MTTP: variants seen among roughly 807,000 people sequenced by gnomAD.
The protein encoded by MTTP is microsomal triglyceride transfer protein large subunit.
In MTTP, 49 loss-of-function variants were observed where a neutral mutation model predicts 90.6. That is an observed-to-expected ratio of 0.54 (90% CI 0.43 to 0.69). MTTP has a LOEUF of 0.69. MTTP is among the 30% of genes least tolerant of loss of function. The pLI is 0.00. For missense variants in MTTP, 945 were observed against 1,067.5 expected, an observed-to-expected ratio of 0.89 and a Z score of 1.60; for synonymous variants, 347 against 384.2, an observed-to-expected ratio of 0.90 and a Z score of 1.13.
chr4:99,586,754 G>A (rs939631869), intron 3 of MTTP, among the ~76,000 whole-genome samples: 8 of 152,088 alleles, frequency 5.3e-5, no homozygotes, highest in African/African-American at 1.9e-4. Flanking sequence ...TATAAAGGAA[G>A]GTGTGGAGAA....
At chr4:99,614,770 G>A (rs1456526887) in intron 15 of MTTP, among the ~76,000 whole-genome samples, 1 of 152,164 alleles carries the variant, frequency 6.6e-6, no homozygotes, top group Non-Finnish European at 1.5e-5. Context: ...GAATTGTTTG[G>A]AATCCCTGTC....
intron 1 of MTTP, among the ~76,000 whole-genome samples, chr4:99,576,503 G>T (rs1293889943): frequency 1.3e-5 from 2 of 151,466 alleles, no homozygotes; most frequent in Non-Finnish European, 2.9e-5. Context: ...AGACCATCCC[G>T]GCTAAAACGG....
Position 99,611,396 on chromosome 4 carries a change from G to A in MTTP, c.1932G>A (p.Arg644=), listed in dbSNP as rs2110231972. ...TCTACTCGGGTTCTGGCATTCTAAG[G>A]AGAAGTAACCTGAACATCTTTCAGT... ...DILYSGSGIL[R]RSNLNIFQYI... is the part of the protein sequence containing the mutation. Residue 644 remains arginine, a synonymous_variant, in exon 14 of 18, where the codon AGG becomes AGA. Transcript: ENST00000265517. The A allele has an allele frequency of 6.2e-7, 1 of 1,614,030 alleles. No individual in the cohort carries two copies. Among genetic ancestry groups the A allele is most frequent in the Non-Finnish European group, 8.5e-7 (1 of 1,179,948 alleles).
intron 12 of MTTP, 23 bp from the exon 13 acceptor site, chr4:99,611,120 T>C (rs1274609906): frequency 6.9e-6 from 11 of 1,603,052 alleles, no homozygotes; most frequent in Non-Finnish European, 9.4e-6. Flanking sequence ...ATGTGCAGCT[T>C]TTTTTTTCCT....
chr4:99,574,647 TAA>T, upstream of MTTP: 1 of 685,856 alleles, frequency 1.5e-6, no homozygotes, highest in Non-Finnish European at 2.4e-6. Flanking sequence ...TGAAAACATT[TAA>T]AGTTTCCTCA....
At chr4:99,564,300 G>T (rs1724602973) in intron 1 of MTTP, 1 of 1,463,004 alleles carries the variant, frequency 6.8e-7, no homozygotes, top group East Asian at 2.5e-5. Flanking sequence ...AACGAAGAAA[G>T]GCTCCTAATT....
At chr4:99,573,970 A>C (rs1159727104), upstream of MTTP, among the ~76,000 whole-genome samples, 4 of 152,266 alleles carry the variant, frequency 2.6e-5, no homozygotes, top group African/African-American at 7.2e-5. Flanking sequence ...GTTTCCAGGG[A>C]CAAGGATTGC....
intron 8 of MTTP, among the ~76,000 whole-genome samples, chr4:99,599,334 T>C (rs995562974): frequency 1.8e-4 from 27 of 152,188 alleles, no homozygotes; most frequent in African/African-American, 6.0e-4. Flanking sequence ...GAAAACACTT[T>C]GAGAAACATC....
At chr4:99,613,206 C>A in intron 15 of MTTP, 66 bp downstream of exon 15, 1 of 1,392,300 alleles carries the variant, frequency 7.2e-7, no homozygotes, top group Non-Finnish European at 1.0e-6. Context: ...TTTAAATATG[C>A]TTAGTTCTTG....
Position 99,600,715 on chromosome 4 carries a change from A to T in MTTP, c.1218A>T (p.Glu406Asp), listed in dbSNP as rs770983271. The T allele has an allele frequency of 6.2e-7, 1 of 1,613,720 alleles. No individual in the cohort carries two copies. The highest frequency in any genetic ancestry group is 8.5e-7 in the Non-Finnish European group (1 of 1,179,738). The change falls in exon 9 of 18, where the codon GAA (glutamate) becomes GAT (aspartate). Residue 406 changes from glutamate (E) to aspartate (D), a missense_variant. By Grantham distance (45) the Glu-to-Asp change is conservative (BLOSUM62 2). Coordinates refer to ENST00000265517, the MANE Select transcript of MTTP (RefSeq NM_001386140.1). ...GATTTGCTTCTCATCCCAATGAAGA[A>T]CTCCTGAGAGCCCTCATTGTAAGTC... ...ACGFASHPNE[E>D]LLRALISKFK... is the part of the protein sequence containing the mutation.
chr4:99,565,229 T>C (rs1281361348), intron 1 of MTTP, among the ~76,000 whole-genome samples: 2 of 152,238 alleles, frequency 1.3e-5, no homozygotes, highest in African/African-American at 4.8e-5. Context: ...GGGATCTGTT[T>C]TATAAATAAT....
chr4:99,599,353 TAAG>T (rs1319070160), intron 8 of MTTP, among the ~76,000 whole-genome samples: 1 of 152,138 alleles, frequency 6.6e-6, no homozygotes, highest in East Asian at 1.9e-4. Context: ...TCACTATAAT[TAAG>T]AAACCATGGA....
intron 15 of MTTP, among the ~76,000 whole-genome samples, chr4:99,614,966 T>TA (rs1726062942): frequency 6.6e-6 from 1 of 152,198 alleles, no homozygotes; most frequent in Admixed American, 6.5e-5. Context: ...GTTCTCAAAT[T>TA]ATATCAGAAT....
chr4:99,614,070 G>C (rs1461533408), intron 15 of MTTP, among the ~76,000 whole-genome samples: 1 of 152,122 alleles, frequency 6.6e-6, no homozygotes, highest in African/African-American at 2.4e-5. Flanking sequence ...GAATATATAA[G>C]GAGATTGAAA....
intron 9 of MTTP, among the ~76,000 whole-genome samples, chr4:99,601,194 C>T (rs1206630102): frequency 6.6e-6 from 1 of 152,062 alleles, no homozygotes; most frequent in East Asian, 1.9e-4. Flanking sequence ...TATTTAATTG[C>T]ACTTGTCTAC....
intron 16 of MTTP, 55 bp from the exon 17 acceptor site, chr4:99,621,006 C>T (rs1408721198): frequency 1.3e-6 from 2 of 1,526,064 alleles, no homozygotes; most frequent in South Asian, 2.3e-5. Flanking sequence ...GCTGTTAGTC[C>T]AATACCATTA....
intron 10 of MTTP, among the ~76,000 whole-genome samples, chr4:99,603,134 G>A (rs1725736732): frequency 6.6e-6 from 1 of 152,110 alleles, no homozygotes; most frequent in South Asian, 2.1e-4. Flanking sequence ...GTATGAAAAG[G>A]CCCAAAGTCA....
chr4:99,600,504 G>A (rs376559926), intron 8 of MTTP, 61 bp from the exon 9 acceptor site: 3 of 1,505,072 alleles, frequency 2.0e-6, no homozygotes, highest in East Asian at 2.3e-5. Context: ...GTGAATGGTA[G>A]AGATTTTTAA....
chr4:99,590,086 C>T (rs1011884696), intron 4 of MTTP, among the ~76,000 whole-genome samples: 6 of 151,310 alleles, frequency 4.0e-5, no homozygotes, highest in African/African-American at 1.2e-4. Context: ...TTCAGTAGAT[C>T]GGGGAGGACC....
Sources: allele counts gnomAD v4.1 joint callset (sites outside exome capture counted in the v4.1 genomes callset), GRCh38; gene constraint gnomAD v4.1.1; transcripts MANE v1.5; gene names NCBI Gene and HGNC (gene_info 2026-07-23, HGNC 2026-07-21).